The following GSE1 variants were observed in gnomAD, a reference collection of about 807,000 sequenced individuals.
The protein encoded by GSE1 is genetic suppressor element 1.
A neutral mutation model predicts 112.6 loss-of-function variants in GSE1; 32 were observed. That is an observed-to-expected ratio of 0.28 (90% confidence interval 0.21 to 0.38). The LOEUF is 0.38. GSE1 is among the 10% of genes least tolerant of loss of function. The pLI, the probability that GSE1 is intolerant of heterozygous loss-of-function variation, is 1.00. For missense variants in GSE1, 2,348 were observed against 1,699.2 expected, an observed-to-expected ratio of 1.38 and a Z score of -6.71; for synonymous variants, 1,115 against 735.6, an observed-to-expected ratio of 1.52 and a Z score of -8.35.
At chr16:85,192,036 G>A (rs1302146120) in intron 1 of GSE1, among the ~76,000 whole-genome samples, 2 of 152,248 alleles carry the variant, frequency 1.3e-5, no homozygotes, top group Non-Finnish European at 2.9e-5. Context: ...CAGCAGAGAT[G>A]TGAAGGAGGT....
intron 1 of GSE1, among the ~76,000 whole-genome samples, chr16:85,192,932 C>T (rs990323862): frequency 6.6e-6 from 1 of 152,214 alleles, no homozygotes; most frequent in African/African-American, 2.4e-5. Context: ...CTTGGTTCTG[C>T]TGGCTGTGTG....
At chr16:85,488,726 T>C (rs1215188182) in intron 2 of GSE1, among the ~76,000 whole-genome samples, 1 of 151,606 alleles carries the variant, frequency 6.6e-6, no homozygotes, top group African/African-American at 2.4e-5. Context: ...GAGGACAGAG[T>C]GATGGAGACT....
chr16:85,438,519 G>A (rs1265729008), intron 2 of GSE1, among the ~76,000 whole-genome samples: 1 of 152,178 alleles, frequency 6.6e-6, no homozygotes, highest in East Asian at 1.9e-4. Flanking sequence ...CAATCTAGAA[G>A]GTAGGTGCTG....
At chr16:85,197,714 C>G (rs2074954385) in intron 1 of GSE1, among the ~76,000 whole-genome samples, 1 of 152,144 alleles carries the variant, frequency 6.6e-6, no homozygotes, top group Admixed American at 6.5e-5. Flanking sequence ...CACTCTGTGT[C>G]ACCTTAGAGC....
At chr16:85,514,581 C>T (rs1289117671) in intron 2 of GSE1, among the ~76,000 whole-genome samples, 1 of 152,194 alleles carries the variant, frequency 6.6e-6, no homozygotes, top group Non-Finnish European at 1.5e-5. Context: ...GGAAGGCGGC[C>T]AGCCCCACTC....
In GSE1 at chr16:85,636,690, G is replaced by A. The variant is rs1032627641; in HGVS notation, c.226+2558G>A. Among the ~76,000 whole-genome samples the A allele has an allele frequency of 5.0e-3, 50 of 9,902 alleles. No individual in the cohort carries two copies. The African/African-American group carries it at 0.056, about 11-fold the overall frequency. 6.5% of individuals were successfully genotyped at this position (9,902 alleles called of 152,430 possible). On this transcript the variant is annotated intron_variant, in intron 2 of 15. Coordinates refer to ENST00000253458, the MANE Select transcript of GSE1 (RefSeq NM_014615.5). Reference sequence around the variant, plus strand: ...GTCCCACTGCTGCTGGGCCTTCCCGGGGGGGGGCTGGGAGAGCCGCCGTTA... The same window carrying A: ...GTCCCACTGCTGCTGGGCCTTCCCGAGGGGGGGCTGGGAGAGCCGCCGTTA...
chr16:85,562,022 T>C (rs1263701658), intron 1 of GSE1, among the ~76,000 whole-genome samples: 1 of 152,200 alleles, frequency 6.6e-6, no homozygotes, highest in Non-Finnish European at 1.5e-5. Flanking sequence ...GCCTCAGGCT[T>C]GTCATGGGAC....
chr16:85,478,879 CTTTCTTTCTTTCTTTCTTTCTT>C (rs2050558160), intron 2 of GSE1, among the ~76,000 whole-genome samples: 3 of 58,466 alleles, frequency 5.1e-5, no homozygotes, highest in South Asian at 1.1e-3. Flanking sequence ...TTCTTTCTTT[CTTTCTTTCTTTCTTTCTTTCTT>C]TCTTTCTTTC....
intron 2 of GSE1, among the ~76,000 whole-genome samples, chr16:85,638,699 C>T (rs1191299546): frequency 6.7e-6 from 1 of 148,288 alleles, no homozygotes; most frequent in African/African-American, 2.5e-5. Flanking sequence ...CTCCTTTCAC[C>T]TTCCCCATTC....
chr16:85,363,264 C>T (rs565841615), intron 2 of GSE1, among the ~76,000 whole-genome samples: 7 of 152,364 alleles, frequency 4.6e-5, no homozygotes, highest in Admixed American at 3.3e-4. Flanking sequence ...CTCCCTTTCT[C>T]ACCTGCCATA....
At chr16:85,532,031 C>A (rs1006657413) in intron 2 of GSE1, among the ~76,000 whole-genome samples, 4 of 152,178 alleles carry the variant, frequency 2.6e-5, no homozygotes, top group Non-Finnish European at 2.9e-5. Flanking sequence ...GACAAGTCTT[C>A]AGCACAGGGC....
At chr16:85,287,227 G>C (rs1328050809) in intron 1 of GSE1, among the ~76,000 whole-genome samples, 1 of 152,234 alleles carries the variant, frequency 6.6e-6, no homozygotes, top group Non-Finnish European at 1.5e-5. Flanking sequence ...TGTGCAAGAC[G>C]TGCACCACTT....
intron 1 of GSE1, among the ~76,000 whole-genome samples, chr16:85,629,479 C>G (rs934937644): frequency 6.6e-6 from 1 of 152,252 alleles, no homozygotes; most frequent in Non-Finnish European, 1.5e-5. Flanking sequence ...AGCCACCCAG[C>G]CTGCACCGGA....
At chr16:85,480,534 G>C (rs2050640685) in intron 2 of GSE1, among the ~76,000 whole-genome samples, 1 of 152,160 alleles carries the variant, frequency 6.6e-6, no homozygotes, top group South Asian at 2.1e-4. Context: ...CCCGTTCTTT[G>C]TCCTGGGAGG....
intron 2 of GSE1, among the ~76,000 whole-genome samples, chr16:85,440,918 GGGCCTCGT>G (rs1172440599): frequency 6.6e-6 from 1 of 152,218 alleles, no homozygotes; most frequent in Non-Finnish European, 1.5e-5. Flanking sequence ...CCATCATGCG[GGGCCTCGT>G]GGCAATTCGA....
intron 15 of GSE1, 120 bp from the exon 16 acceptor site, chr16:85,672,285 A>G (rs1019450702): frequency 5.4e-6 from 4 of 739,464 alleles, no homozygotes; most frequent in Non-Finnish European, 9.2e-6. Context: ...GTGAGCCACC[A>G]CGCCCGGCCG....
chr16:85,404,091 C>G lies in GSE1; in HGVS notation c.2464+46448C>G, dbSNP rs889543443. 4.6e-5 allele frequency among the ~76,000 whole-genome samples: 7 copies of G among 150,702 alleles called. No individual in the cohort carries two copies. In the South Asian group the frequency reaches 6.3e-4, roughly 14 times the overall value. ...TCAGAAACCAGCTTGTGATTGGACA[C>G]AGGGCCCCCCCGGATAATCCTCACT... On this transcript the variant is annotated intron_variant, in intron 2 of 2. Transcript: ENST00000637419.
chr16:85,201,518 G>C (rs1454740851), intron 1 of GSE1, among the ~76,000 whole-genome samples: 1 of 151,956 alleles, frequency 6.6e-6, no homozygotes, highest in Non-Finnish European at 1.5e-5. Context: ...TGGGCATGGT[G>C]GTAGGTGCCT....
intron 2 of GSE1, among the ~76,000 whole-genome samples, chr16:85,408,637 T>C (rs866575475): frequency 3.4e-5 from 1 of 29,320 alleles, no homozygotes; most frequent in African/African-American, 1.8e-4. Context: ...TAATCCTCAC[T>C]GTTGAACTTA....
Sources: allele counts gnomAD v4.1 joint callset (sites outside exome capture counted in the v4.1 genomes callset), GRCh38; gene constraint gnomAD v4.1.1; transcripts MANE v1.5; gene names NCBI Gene and HGNC (gene_info 2026-07-23, HGNC 2026-07-21).